PCDH9: variants seen among roughly 807,000 people sequenced by gnomAD.
PCDH9 encodes the protein protocadherin-9.
Under a neutral mutation model 70.6 loss-of-function variants are expected in PCDH9, and 24 were observed. The ratio of observed to expected loss-of-function variants is 0.34; its 90% CI spans 0.25 to 0.48. The LOEUF (loss-of-function observed/expected upper bound fraction) is 0.48, where lower values mean the gene tolerates loss of function less well. Among genes scored for constraint, PCDH9 ranks in the 20% least tolerant of loss-of-function variants. PCDH9 has a pLI of 0.99. For missense variants in PCDH9, 1,281 were observed against 1,503.6 expected, an observed-to-expected ratio of 0.85 and a Z score of 2.45; for synonymous variants, 562 against 558.5, an observed-to-expected ratio of 1.01 and a Z score of -0.09.
intron 2 of PCDH9, among the ~76,000 whole-genome samples, chr13:67,045,620 A>G (rs751385470): frequency 3.9e-4 from 59 of 152,118 alleles, no homozygotes; most frequent in Non-Finnish European, 6.9e-4. Context: ...AAATTACCTC[A>G]AAGGCCACTA....
Position 66,735,571 on chromosome 13 carries a change from A to T in PCDH9, c.3139-104160T>A, listed in dbSNP as rs1001553512. Reference sequence around the variant, plus strand: ...GCCAGGTATGAAGGAACTGTGTTTTAAAAAAAAGCAACAAAATTAGAGTCA... The same window carrying T: ...GCCAGGTATGAAGGAACTGTGTTTTTAAAAAAAGCAACAAAATTAGAGTCA... On this transcript the variant is annotated intron_variant, in intron 3 of 4. Coordinates refer to ENST00000377865, the MANE Select transcript of PCDH9 (RefSeq NM_203487.3). Among the ~76,000 whole-genome samples, 8 of 151,966 alleles carry T rather than the reference A, an allele frequency of 5.3e-5. No individual in the cohort carries two copies. In the East Asian group the frequency reaches 5.8e-4, roughly 11 times the overall value.
chr13:66,938,452 T>C (rs532142699), intron 2 of PCDH9, among the ~76,000 whole-genome samples: 2 of 152,278 alleles, frequency 1.3e-5, no homozygotes, highest in East Asian at 3.9e-4. Flanking sequence ...CCACAGTTCT[T>C]TGTGAATGGG....
At chr13:66,971,255 T>C (rs116812211) in intron 2 of PCDH9, among the ~76,000 whole-genome samples, 2 of 152,068 alleles carry the variant, frequency 1.3e-5, no homozygotes, top group Non-Finnish European at 2.9e-5. Context: ...CACGATTGTG[T>C]TATTCATATG....
At chr13:66,438,559 C>T (rs1241777823) in intron 4 of PCDH9, among the ~76,000 whole-genome samples, 1 of 152,126 alleles carries the variant, frequency 6.6e-6, no homozygotes, top group Non-Finnish European at 1.5e-5. Context: ...TGGGCTTACA[C>T]CAAAGATTAT....
At chr13:66,967,057 A>T (rs993520543) in intron 2 of PCDH9, among the ~76,000 whole-genome samples, 7 of 152,062 alleles carry the variant, frequency 4.6e-5, no homozygotes, top group African/African-American at 1.7e-4. Flanking sequence ...AGGAAGGAGG[A>T]CTATGCCAAG....
At chr13:66,850,888 T>C (rs1033545817) in intron 3 of PCDH9, among the ~76,000 whole-genome samples, 1 of 152,206 alleles carries the variant, frequency 6.6e-6, no homozygotes, top group African/African-American at 2.4e-5. Context: ...CCTGTTCTTC[T>C]CAAGTTATAT....
At chr13:66,306,208 C>T (rs971949596) in intron 4 of PCDH9, 4 of 151,752 alleles carry the variant, frequency 2.6e-5, no homozygotes, top group African/African-American at 7.3e-5. Flanking sequence ...ATTTAAATCG[C>T]TCAATAATTG....
chr13:66,628,633 T>C (rs1316602440), intron 4 of PCDH9, among the ~76,000 whole-genome samples: 1 of 152,174 alleles, frequency 6.6e-6, no homozygotes, highest in Non-Finnish European at 1.5e-5. Flanking sequence ...CCCCAGTAAC[T>C]GGGACTACAA....
At chr13:66,377,768 C>T (rs1488745757) in intron 4 of PCDH9, among the ~76,000 whole-genome samples, 1 of 152,208 alleles carries the variant, frequency 6.6e-6, no homozygotes, top group African/African-American at 2.4e-5. Context: ...GCATCTGTCT[C>T]TTTCCTTCAA....
At chr13:66,719,249 A>ATT (rs67005482) in intron 3 of PCDH9, among the ~76,000 whole-genome samples, 6 of 151,660 alleles carry the variant, frequency 4.0e-5, no homozygotes, top group African/African-American at 1.2e-4. Context: ...TCAATTCCTC[A>ATT]TTTTTTTTCA....
At chr13:66,662,334 G>A (rs746268585) in intron 3 of PCDH9, among the ~76,000 whole-genome samples, 2 of 151,962 alleles carry the variant, frequency 1.3e-5, no homozygotes, top group Admixed American at 6.6e-5. Context: ...TTAGCCAGCC[G>A]TGGTGGCTCA....
At chr13:66,329,643 T>A (rs1018543304) in intron 4 of PCDH9, among the ~76,000 whole-genome samples, 1 of 152,180 alleles carries the variant, frequency 6.6e-6, no homozygotes. Flanking sequence ...TAATAAAATG[T>A]CCAGGGCTCA....
At chr13:66,313,445 A>G (rs991355796) in intron 4 of PCDH9, among the ~76,000 whole-genome samples, 3 of 152,202 alleles carry the variant, frequency 2.0e-5, no homozygotes, top group Admixed American at 6.5e-5. Flanking sequence ...GTGCAGACTA[A>G]GGTGTTAAGC....
At chr13:66,686,763 G>A (rs1477558967) in intron 3 of PCDH9, among the ~76,000 whole-genome samples, 1 of 152,104 alleles carries the variant, frequency 6.6e-6, no homozygotes, top group Non-Finnish European at 1.5e-5. Context: ...TTTGAACAGA[G>A]GCCTCTTTTA....
chr13:66,599,082 C>T (rs1048680017), intron 4 of PCDH9, among the ~76,000 whole-genome samples: 2 of 151,582 alleles, frequency 1.3e-5, no homozygotes, highest in Non-Finnish European at 2.9e-5. Flanking sequence ...GTAAAGCAAG[C>T]TTTATGAACA....
chr13:66,354,350 G>T (rs1015784723), intron 4 of PCDH9, among the ~76,000 whole-genome samples: 2 of 151,178 alleles, frequency 1.3e-5, no homozygotes, highest in Non-Finnish European at 2.9e-5. Flanking sequence ...AGAAATCCCA[G>T]CATGGTCATC....
At chr13:66,985,286 T>C (rs2083868020) in intron 2 of PCDH9, among the ~76,000 whole-genome samples, 1 of 152,124 alleles carries the variant, frequency 6.6e-6, no homozygotes, top group Admixed American at 6.6e-5. Context: ...CTTTGTTGAA[T>C]GAATAGGAAA....
chr13:67,127,925 C>T (rs1018482444), intron 2 of PCDH9, among the ~76,000 whole-genome samples: 1 of 151,964 alleles, frequency 6.6e-6, no homozygotes, highest in African/African-American at 2.4e-5. Flanking sequence ...TATTATTTTT[C>T]TTTCCAGATG....
intron 2 of PCDH9, chr13:67,220,542 A>G (rs977983341): frequency 6.6e-6 from 1 of 152,084 alleles, no homozygotes; most frequent in East Asian, 1.9e-4. Flanking sequence ...TGTTTACACC[A>G]TAAGAATGTA....
Sources: allele counts gnomAD v4.1 joint callset (sites outside exome capture counted in the v4.1 genomes callset), GRCh38; gene constraint gnomAD v4.1.1; transcripts MANE v1.5; gene names NCBI Gene and HGNC (gene_info 2026-07-23, HGNC 2026-07-21).